Variants in LRRFIP1 observed in about 807,000 individuals in gnomAD.
LRRFIP1 encodes the protein leucine-rich repeat flightless-interacting protein 1.
In LRRFIP1, 62 loss-of-function variants were observed where a neutral mutation model predicts 104.4. The ratio of observed to expected loss-of-function variants is 0.59; its 90% confidence interval spans 0.48 to 0.73. LRRFIP1 has a LOEUF of 0.73. Ranked by LOEUF, LRRFIP1 falls within the 30% of genes least tolerant of loss-of-function variation. LRRFIP1 has a pLI of 0.00. For synonymous variants in LRRFIP1, 300 were observed against 299.0 expected (o/e 1.00, Z -0.03); for missense variants, 796 against 824.5 (o/e 0.97, Z 0.42).
At chr2:237,683,254 G>A (rs2092026311) in intron 1 of LRRFIP1, 1 of 152,386 alleles carries the variant, frequency 6.6e-6, no homozygotes, top group Non-Finnish European at 1.5e-5. Flanking sequence ...CAAGCCGACG[G>A]TCAGGTCAGA....
chr2:237,699,422 G>A (rs1285737514), intron 1 of LRRFIP1, among the ~76,000 whole-genome samples: 6 of 147,144 alleles, frequency 4.1e-5, no homozygotes, highest in Admixed American at 1.4e-4. Flanking sequence ...GTGAGATCTC[G>A]GCTCACTACA....
Position 237,679,887 on chromosome 2 carries a change from C to T in LRRFIP1, c.97-28657C>T, listed in dbSNP as rs150616697. Among the ~76,000 whole-genome samples, 1,300 of 152,292 alleles carry T rather than the reference C, an allele frequency of 8.5e-3. 16 individuals are homozygous for T. Among genetic ancestry groups the T allele is most frequent in the African/African-American group, 0.025 (1,057 of 41,558 alleles). On this transcript the variant is annotated intron_variant, in intron 1 of 23. Coordinates refer to ENST00000308482, the MANE Select transcript of LRRFIP1 (RefSeq NM_001137550.2). ...CCTCCCAAAGTGCTGGGATTACAGG[C>T]ATGAGCCACCGCGCCCAGCCTGATT...
chr2:237,751,249 T>A lies in LRRFIP1; in HGVS notation c.845T>A (p.Met282Lys). ...DQIQDVEGKY[M>K]QGLKEMKDSL... Reference sequence around the variant, plus strand: ...ATTCAGGATGTAGAAGGCAAATACATGCAGGGATTGAAAGAGATGAAGGTA... The same window carrying A: ...ATTCAGGATGTAGAAGGCAAATACAAGCAGGGATTGAAAGAGATGAAGGTA... Residue 282 changes from methionine to lysine, a missense_variant, in exon 14 of 24, where the codon ATG (methionine) becomes AAG (lysine). Met to Lys is a moderately conservative substitution (Grantham distance 95). Transcript: ENST00000308482. The A allele has an allele frequency of 1.9e-6, 3 of 1,610,204 alleles. No homozygotes were observed. The highest frequency in any genetic ancestry group is 2.5e-6 in the Non-Finnish European group (3 of 1,178,352).
chr2:237,765,517 TA>T, intron 19 of LRRFIP1: 1 of 972,030 alleles, frequency 1.0e-6, no homozygotes, highest in Non-Finnish European at 1.2e-6. Context: ...AAAAGAGCAG[TA>T]AAAAATGGTT....
intron 3 of LRRFIP1, among the ~76,000 whole-genome samples, chr2:237,715,960 G>C (rs992232207): frequency 8.5e-5 from 13 of 152,218 alleles, no homozygotes; most frequent in African/African-American, 2.4e-4. Flanking sequence ...ACCCATGAAC[G>C]AGGTGAAAGA....
intron 7 of LRRFIP1, among the ~76,000 whole-genome samples, chr2:237,727,293 T>G (rs961122431): frequency 6.6e-5 from 10 of 151,018 alleles, no homozygotes; most frequent in African/African-American, 2.4e-4. Context: ...GAGGCAGAGG[T>G]TGCAGTGAGC....
intron 11 of LRRFIP1, among the ~76,000 whole-genome samples, chr2:237,748,129 A>G (rs1010022265): frequency 5.9e-5 from 9 of 152,204 alleles, no homozygotes; most frequent in Admixed American, 4.6e-4. Context: ...ACCTGAGGAC[A>G]GGAGAAGAGG....
Position 237,781,481 on chromosome 2 carries a change from C to T in LRRFIP1, c.*1949C>T, listed in dbSNP as rs2061424952. On this transcript the variant is annotated 3_prime_UTR_variant, in exon 24 of 24. Coordinates refer to ENST00000308482, the MANE Select transcript of LRRFIP1 (RefSeq NM_001137550.2). ...CACAGCCCTGAGAAGATGGCGTTTT[C>T]CCTATCAGTGGCTCTGAGGAAGTCA... Among the ~76,000 whole-genome samples the T allele has an allele frequency of 6.6e-6, 1 of 152,182 alleles. No individual in the cohort carries two copies. Among genetic ancestry groups the T allele is most frequent in the Non-Finnish European group, 1.5e-5 (1 of 68,036 alleles).
intron 19 of LRRFIP1, chr2:237,769,674 T>C (rs1214278347): frequency 4.7e-6 from 2 of 429,228 alleles, no homozygotes; most frequent in Non-Finnish European, 8.5e-6. Context: ...CGTTCTTGCA[T>C]GCTAACCTAA....
intron 1 of LRRFIP1, chr2:237,692,050 C>T: frequency 1.3e-5 from 4 of 304,918 alleles, no homozygotes; most frequent in Non-Finnish European, 1.7e-5. Context: ...CGCAGGGGGG[C>T]GGGGAAGGCG....
chr2:237,651,286 G>A (rs7603575), intron 1 of LRRFIP1, among the ~76,000 whole-genome samples: 2,534 of 152,198 alleles, frequency 0.017, 71 homozygotes, highest in African/African-American at 0.057. Flanking sequence ...GGGTCACCTC[G>A]CTTTTCAGTG....
In LRRFIP1 at chr2:237,776,381, T is replaced by C. The variant is rs145852907; in HGVS notation, c.1812+1919T>C. Reference sequence around the variant, plus strand: ...TACATGATTCACTTTTGTAAATGTCTCCAATGTGGTTAAGAAGAATGTGTA... The same window carrying C: ...TACATGATTCACTTTTGTAAATGTCCCCAATGTGGTTAAGAAGAATGTGTA... On this transcript the variant is annotated intron_variant, in intron 23 of 23. Transcript: ENST00000308482. Among the ~76,000 whole-genome samples, 7 of 152,348 alleles carry C rather than the reference T, an allele frequency of 4.6e-5. No individual in the cohort carries two copies. In the South Asian group the frequency reaches 1.5e-3, roughly 32 times the overall value.
chr2:237,708,871 C>T (rs1449021018), intron 2 of LRRFIP1: 8 of 631,474 alleles, frequency 1.3e-5, no homozygotes, highest in Admixed American at 4.2e-5. Flanking sequence ...CTCTTGCCTG[C>T]GCAGATCGTC....
At chr2:237,660,124 AC>A (rs1249844064) in intron 1 of LRRFIP1, among the ~76,000 whole-genome samples, 28 of 152,338 alleles carry the variant, frequency 1.8e-4, no homozygotes, top group Admixed American at 1.7e-3. Context: ...TGTCACTAAA[AC>A]TAATTTTCAC....
chr2:237,671,056 G>A (rs1286811336), intron 1 of LRRFIP1, among the ~76,000 whole-genome samples: 2 of 152,178 alleles, frequency 1.3e-5, no homozygotes, highest in East Asian at 3.9e-4. Context: ...TCTGAAGAGC[G>A]CTATGTTCTC....
chr2:237,723,270 T>C (rs1424386927), intron 6 of LRRFIP1, among the ~76,000 whole-genome samples: 1 of 152,246 alleles, frequency 6.6e-6, no homozygotes, highest in Non-Finnish European at 1.5e-5. Flanking sequence ...ATGGATTATG[T>C]AGAAGAGGAA....
chr2:237,712,751 G>A (rs1559635707), intron 2 of LRRFIP1, among the ~76,000 whole-genome samples: 2 of 152,120 alleles, frequency 1.3e-5, no homozygotes, highest in South Asian at 2.1e-4. Flanking sequence ...GCACGTCTTC[G>A]GGCCATGCCT....
At chr2:237,652,137 C>A (rs564791199) in intron 1 of LRRFIP1, among the ~76,000 whole-genome samples, 9 of 152,364 alleles carry the variant, frequency 5.9e-5, no homozygotes, top group Non-Finnish European at 1.2e-4. Flanking sequence ...GTGGCGCCCC[C>A]ACTCTCTGGA....
intron 1 of LRRFIP1, chr2:237,692,148 T>TGGGGGGCGGGGCGGGCC (rs2092828961): frequency 4.2e-5 from 26 of 612,746 alleles, no homozygotes; most frequent in African/African-American, 7.5e-5. Context: ...CGGAACTGCG[T>TGGGGGGCGGGGCGGGCC]GGGGGGCGGG....
Sources: allele counts gnomAD v4.1 joint callset (sites outside exome capture counted in the v4.1 genomes callset), GRCh38; gene constraint gnomAD v4.1.1; transcripts MANE v1.5; gene names NCBI Gene and HGNC (gene_info 2026-07-23, HGNC 2026-07-21).